Variants in THSD7B observed in about 807,000 individuals in gnomAD.
The protein encoded by THSD7B is thrombospondin type 1 domain containing 7B.
Under a neutral mutation model 213.6 loss-of-function variants are expected in THSD7B, and 138 were observed. That is an observed-to-expected ratio of 0.65 (90% CI 0.56 to 0.74). The LOEUF is 0.74. Ranked by LOEUF, THSD7B falls within the 30% of genes least tolerant of loss-of-function variation. THSD7B has a pLI of 0.00. For synonymous variants in THSD7B, 742 were observed against 687.0 expected (o/e 1.08, Z -1.25); for missense variants, 1,931 against 1,991.5 (o/e 0.97, Z 0.58).
intron 2 of THSD7B, among the ~76,000 whole-genome samples, chr2:137,008,262 G>T (rs1686153750): frequency 6.6e-6 from 1 of 152,092 alleles, no homozygotes; most frequent in Admixed American, 6.6e-5. Flanking sequence ...GGGTGGAAAT[G>T]CATCTTAATG....
intron 12 of THSD7B, among the ~76,000 whole-genome samples, chr2:137,401,216 C>G (rs1686350922): frequency 1.3e-5 from 2 of 152,074 alleles, no homozygotes; most frequent in South Asian, 4.2e-4. Context: ...CTCTCTTTCC[C>G]CAGGAGTTGT....
At chr2:136,963,249 A>G (rs1267754540) in intron 2 of THSD7B, among the ~76,000 whole-genome samples, 1 of 152,140 alleles carries the variant, frequency 6.6e-6, no homozygotes, top group East Asian at 1.9e-4. Context: ...GTTGAGAGTA[A>G]ATTAGTATGA....
At chr2:136,950,926 G>A (rs1341281117) in intron 2 of THSD7B, among the ~76,000 whole-genome samples, 1 of 152,214 alleles carries the variant, frequency 6.6e-6, no homozygotes, top group Non-Finnish European at 1.5e-5. Flanking sequence ...TGTGTTTTAG[G>A]CAGGTGGTGG....
chr2:137,095,179 A>G, intron 4 of THSD7B, 58 bp downstream of exon 4: 1 of 1,588,910 alleles, frequency 6.3e-7, no homozygotes, highest in Non-Finnish European at 8.6e-7. Flanking sequence ...TGTTGTAGGA[A>G]TGTTAACAGT....
intron 2 of THSD7B, among the ~76,000 whole-genome samples, chr2:137,046,752 A>G (rs1388245034): frequency 2.0e-5 from 3 of 150,406 alleles, no homozygotes; most frequent in Non-Finnish European, 4.4e-5. Flanking sequence ...AAAAAAAAAA[A>G]AAATTAAAAG....
At chr2:136,829,442 C>A (rs892809932) in intron 1 of THSD7B, among the ~76,000 whole-genome samples, 1 of 152,052 alleles carries the variant, frequency 6.6e-6, no homozygotes, top group Non-Finnish European at 1.5e-5. Context: ...TTGGAGAGGA[C>A]AGGCTTAAAC....
At chr2:137,125,882 T>C (rs1573838468) in intron 5 of THSD7B, among the ~76,000 whole-genome samples, 1 of 152,204 alleles carries the variant, frequency 6.6e-6, no homozygotes, top group East Asian at 1.9e-4. Context: ...AACATTAATC[T>C]CCTTGTACAT....
chr2:137,657,214 T>C, intron 24 of THSD7B, 54 bp downstream of exon 24: 4 of 1,523,286 alleles, frequency 2.6e-6, no homozygotes, highest in Non-Finnish European at 1.8e-6. Flanking sequence ...TGAGTGTTGT[T>C]ATTTGTGAGA....
At chr2:137,299,740 C>A (rs138071054) in intron 12 of THSD7B, among the ~76,000 whole-genome samples, 1 of 152,080 alleles carries the variant, frequency 6.6e-6, no homozygotes, top group Non-Finnish European at 1.5e-5. Context: ...GGCTGTTAAA[C>A]GTAAACATTA....
intron 12 of THSD7B, among the ~76,000 whole-genome samples, chr2:137,361,615 G>C (rs181428298): frequency 4.6e-5 from 7 of 152,290 alleles, no homozygotes; most frequent in Non-Finnish European, 7.3e-5. Flanking sequence ...ATTTGATCAA[G>C]TGGAAGGAAG....
chr2:137,400,617 T>A (rs986086266), intron 12 of THSD7B, among the ~76,000 whole-genome samples: 1 of 152,128 alleles, frequency 6.6e-6, no homozygotes, highest in Non-Finnish European at 1.5e-5. Flanking sequence ...ATGGCAGTGG[T>A]CATGAGAAGC....
chr2:136,943,524 G>A (rs1168790349), intron 2 of THSD7B, among the ~76,000 whole-genome samples: 1 of 152,078 alleles, frequency 6.6e-6, no homozygotes, highest in African/African-American at 2.4e-5. Context: ...ACTTTTTTTG[G>A]TTGGTAAGCT....
intron 10 of THSD7B, among the ~76,000 whole-genome samples, chr2:137,245,016 A>G (rs1573908932): frequency 6.6e-6 from 1 of 152,090 alleles, no homozygotes; most frequent in East Asian, 1.9e-4. Flanking sequence ...GTGTCCCAGA[A>G]ATTTTCAGTT....
chr2:137,223,890 A>T (rs1022868301), intron 7 of THSD7B, among the ~76,000 whole-genome samples: 1 of 152,120 alleles, frequency 6.6e-6, no homozygotes, highest in Non-Finnish European at 1.5e-5. Flanking sequence ...AAAAGTGTGC[A>T]GTATCCTCCC....
chr2:137,635,500 G>T (rs1220482592), intron 20 of THSD7B, among the ~76,000 whole-genome samples: 1 of 152,112 alleles, frequency 6.6e-6, no homozygotes, highest in Non-Finnish European at 1.5e-5. Flanking sequence ...GATTTGATAG[G>T]TTGGGAACTG....
intron 2 of THSD7B, among the ~76,000 whole-genome samples, chr2:136,916,236 G>T (rs1684346177): frequency 6.6e-6 from 1 of 152,216 alleles, no homozygotes; most frequent in Non-Finnish European, 1.5e-5. Flanking sequence ...TCTGTGGTCT[G>T]TGGGGAATTG....
intron 15 of THSD7B, among the ~76,000 whole-genome samples, chr2:137,493,651 C>T (rs1401081733): frequency 2.6e-5 from 4 of 152,224 alleles, no homozygotes; most frequent in Non-Finnish European, 5.9e-5. Flanking sequence ...TGGAGAGAAA[C>T]AAAGCCACTG....
chr2:137,663,396 G>T lies in THSD7B; in HGVS notation c.4472G>T (p.Gly1491Val). ...FSYCTQGGVC[G>V]CEKGYTEIMK... The stretch of plus-strand genomic sequence containing the variant: ...TTTATGCTGTAGGGTGGAGTCTGTG[G>T]TTGTGAGAAGGGCTATACAGAGATA... Residue 1491 changes from glycine to valine, a missense_variant, in exon 26 of 28, where the codon GGT (glycine) becomes GTT (valine). Gly to Val is a moderately radical substitution (Grantham distance 109). Coordinates refer to ENST00000409968, the MANE Select transcript of THSD7B (RefSeq NM_001316349.2). The T allele has an allele frequency of 6.3e-7, 1 of 1,583,626 alleles. No homozygotes were observed. The highest frequency in any genetic ancestry group is 8.6e-7 in the Non-Finnish European group (1 of 1,164,234).
intron 17 of THSD7B, among the ~76,000 whole-genome samples, chr2:137,611,593 A>T (rs1682290736): frequency 6.6e-6 from 1 of 152,196 alleles, no homozygotes; most frequent in Admixed American, 6.5e-5. Flanking sequence ...CAGAATTATT[A>T]GTTACTAATA....
Sources: gnomAD v4.1 joint callset for allele counts (sites outside exome capture counted in the v4.1 genomes callset) on GRCh38, gnomAD v4.1.1 for gene constraint, MANE v1.5 for transcripts, NCBI Gene and HGNC (gene_info 2026-07-23, HGNC 2026-07-21) for gene names.